The following MYO1H variants were observed in gnomAD, a reference collection of about 807,000 sequenced individuals.
The protein encoded by MYO1H is myosin IH.
A neutral mutation model predicts 149.3 loss-of-function variants in MYO1H; 118 were observed. The observed-to-expected ratio is 0.79, with a 90% CI of 0.68 to 0.92. The LOEUF is 0.92. Among genes scored for constraint, MYO1H ranks in the 40% least tolerant of loss-of-function variants. The pLI is 0.00. For synonymous variants in MYO1H, 447 were observed against 465.2 expected (o/e 0.96, Z 0.50); for missense variants, 1,212 against 1,280.7 (o/e 0.95, Z 0.82).
chr12:109,367,773 C>G (rs1566019562), intron 1 of MYO1H, among the ~76,000 whole-genome samples: 1 of 152,048 alleles, frequency 6.6e-6, no homozygotes, highest in Admixed American at 6.6e-5. Flanking sequence ...AGGATGGTCT[C>G]GATCTCCTGA....
the MYO1H span, among the ~76,000 whole-genome samples, chr12:109,321,909 G>A: frequency 6.6e-6 from 1 of 152,102 alleles, no homozygotes; most frequent in Non-Finnish European, 1.5e-5. Context: ...CGCATGCAAT[G>A]CCCTTATGAC....
intron 1 of MYO1H, among the ~76,000 whole-genome samples, chr12:109,362,490 A>G (rs1268865758): frequency 6.6e-6 from 1 of 152,222 alleles, no homozygotes; most frequent in Non-Finnish European, 1.5e-5. Flanking sequence ...AGAAAAGTAT[A>G]TACATTTATT....
At chr12:109,329,033 CTTTTTTTT>C in the MYO1H span, among the ~76,000 whole-genome samples, 2 of 132,072 alleles carry the variant, frequency 1.5e-5, no homozygotes, top group East Asian at 4.4e-4. Flanking sequence ...TCTTTTTTTT[CTTTTTTTT>C]TTTTTTTGCA....
intron 16 of MYO1H, among the ~76,000 whole-genome samples, chr12:109,422,920 T>A (rs115926231): frequency 6.6e-6 from 1 of 151,544 alleles, no homozygotes; most frequent in East Asian, 2.0e-4. Flanking sequence ...TCAAAAAAAA[T>A]TAAATTAAAA....
chr12:109,429,804 T>C (rs1871534480), intron 19 of MYO1H, among the ~76,000 whole-genome samples: 1 of 152,126 alleles, frequency 6.6e-6, no homozygotes, highest in East Asian at 1.9e-4. Flanking sequence ...ACATTTGGTG[T>C]CTTAGTCTGT....
chr12:109,399,206 A>G (rs866064446), intron 5 of MYO1H, among the ~76,000 whole-genome samples: 2 of 152,270 alleles, frequency 1.3e-5, no homozygotes, highest in African/African-American at 4.8e-5. Context: ...CAACACATAT[A>G]CTGAAAAGGC....
chr12:109,332,242 A>G, the MYO1H span, among the ~76,000 whole-genome samples: 1 of 152,354 alleles, frequency 6.6e-6, no homozygotes, highest in East Asian at 1.9e-4. Flanking sequence ...CAGAAGTTCT[A>G]AAGTTAAAGG....
In MYO1H at chr12:109,406,046, T is replaced by C. The variant is rs750703534; in HGVS notation, c.963+11T>C. 2 of 1,586,606 alleles carry C rather than the reference T, an allele frequency of 1.3e-6. No individual in the cohort carries two copies. The highest frequency in any genetic ancestry group is 2.2e-5 in the South Asian group (2 of 90,420). On this transcript the variant is annotated intron_variant, in intron 8 of 31. Transcript: ENST00000310903. ...AAGTGGATAGCCAAGGTGATGCTCC[T>C]CTTTTGGAGAGGACAGAAGGAGGGG...
intron 1 of MYO1H, among the ~76,000 whole-genome samples, chr12:109,382,341 T>C (rs1869220435): frequency 6.6e-6 from 1 of 152,166 alleles, no homozygotes; most frequent in African/African-American, 2.4e-5. Flanking sequence ...ACCTAGAATG[T>C]GAGAAATTCT....
chr12:109,391,049 A>C (rs1869630825), intron 2 of MYO1H, among the ~76,000 whole-genome samples: 2 of 152,166 alleles, frequency 1.3e-5, no homozygotes, highest in South Asian at 4.1e-4. Context: ...TTCATGTGTA[A>C]TAGTTTAGGG....
At chr12:109,338,747 CAGAGCAAGACTCCATCTCAAA>C in the MYO1H span, among the ~76,000 whole-genome samples, 6 of 118,770 alleles carry the variant, frequency 5.1e-5, no homozygotes, top group African/African-American at 2.0e-4. Flanking sequence ...GCCTGGGTGA[CAGAGCAAGACTCCATCTCAAA>C]AAAAAAAAAA....
exon 2 of MYO1H, chr12:109,388,749 G>T: frequency 1.2e-6 from 2 of 1,612,956 alleles, no homozygotes; most frequent in Non-Finnish European, 1.7e-6. Flanking sequence ...CCGGGACAAG[G>T]TCGGGGTTCA....
At chr12:109,328,216 A>G in the MYO1H span, among the ~76,000 whole-genome samples, 2 of 151,096 alleles carry the variant, frequency 1.3e-5, no homozygotes, top group African/African-American at 4.9e-5. Context: ...ATTGGGGTGA[A>G]ATTCTCATTA....
chr12:109,360,337 T>A (rs150949034), intron 1 of MYO1H, among the ~76,000 whole-genome samples: 1 of 152,140 alleles, frequency 6.6e-6, no homozygotes, highest in African/African-American at 2.4e-5. Context: ...GAGTTTCTGG[T>A]GCCTCGTGAA....
the MYO1H span, among the ~76,000 whole-genome samples, chr12:109,341,426 G>A: frequency 7.2e-5 from 11 of 152,096 alleles, no homozygotes; most frequent in African/African-American, 1.9e-4. Flanking sequence ...ATGGCTGAAC[G>A]ATAGCAATCG....
rs140830732 is a variant in MYO1H at position 109,351,421 on chromosome 12, C to A, written c.12+3449C>A. Among the ~76,000 whole-genome samples, 82 of 152,246 alleles carry A rather than the reference C, an allele frequency of 5.4e-4. 1 individual carries two copies. Among genetic ancestry groups the A allele is most frequent in the Admixed American group, 5.3e-3 (81 of 15,290 alleles). ...AAAAAGCCAAATCACACAGTTTCAC[C>A]GCAGACACTTATGACAATATTTTAA... On this transcript the variant is annotated intron_variant, in intron 1 of 31. Transcript: ENST00000310903.
chr12:109,331,871 AC>A, the MYO1H span, among the ~76,000 whole-genome samples: 1 of 152,148 alleles, frequency 6.6e-6, no homozygotes, highest in Non-Finnish European at 1.5e-5. Context: ...ATACAGCCTA[AC>A]CCTGTCATGT....
chr12:109,371,281 T>A (rs1010400677), intron 1 of MYO1H, among the ~76,000 whole-genome samples: 3 of 148,682 alleles, frequency 2.0e-5, no homozygotes, highest in Non-Finnish European at 3.0e-5. Flanking sequence ...AGTGGTGCAG[T>A]TATGACTCAC....
chr12:109,322,398 A>C, the MYO1H span, among the ~76,000 whole-genome samples: 1 of 152,188 alleles, frequency 6.6e-6, no homozygotes, highest in African/African-American at 2.4e-5. Flanking sequence ...CAAAATATTA[A>C]GTGTTTTAAT....
Sources: gnomAD v4.1 joint callset for allele counts (sites outside exome capture counted in the v4.1 genomes callset) on GRCh38, gnomAD v4.1.1 for gene constraint, MANE v1.5 for transcripts, NCBI Gene and HGNC (gene_info 2026-07-23, HGNC 2026-07-21) for gene names.